The following GLCCI1 variants were observed in gnomAD, a reference collection of about 807,000 sequenced individuals.
GLCCI1 encodes glucocorticoid induced 1, also known as glucocorticoid-induced transcript 1 protein.
A neutral mutation model predicts 52.2 loss-of-function variants in GLCCI1; 24 were observed. That is an observed-to-expected ratio of 0.46 (90% CI 0.33 to 0.65). The LOEUF is 0.65. GLCCI1 is among the 30% of genes least tolerant of loss of function. GLCCI1 has a pLI of 0.02. For synonymous variants in GLCCI1, 310 were observed against 276.5 expected, an observed-to-expected ratio of 1.12 and a Z score of -1.20; for missense variants, 704 against 701.5, an observed-to-expected ratio of 1.00 and a Z score of -0.04.
chr7:7,991,485 C>T (rs1374518159), intron 1 of GLCCI1, among the ~76,000 whole-genome samples: 1 of 152,026 alleles, frequency 6.6e-6, no homozygotes, highest in Non-Finnish European at 1.5e-5. Context: ...TTTTACATGG[C>T]ATAATTTGAT....
chr7:8,071,190 T>TA, intron 6 of GLCCI1, 59 bp downstream of exon 6: 1 of 1,297,790 alleles, frequency 7.7e-7, no homozygotes, highest in Non-Finnish European at 1.1e-6. Context: ...TTATACCTTG[T>TA]CTTAGACCAT....
chr7:8,016,855 A>C (rs1189893481), intron 2 of GLCCI1, among the ~76,000 whole-genome samples: 1 of 152,216 alleles, frequency 6.6e-6, no homozygotes, highest in African/African-American at 2.4e-5. Context: ...TAAATATAAT[A>C]ATATGGAATT....
intron 1 of GLCCI1, chr7:7,981,761 T>C: frequency 3.0e-6 from 1 of 329,232 alleles, no homozygotes; most frequent in African/African-American, 2.2e-5. Flanking sequence ...AAGAGTGATT[T>C]AAAGGAGTAT....
intron 3 of GLCCI1, chr7:8,022,786 G>A (rs1001571869): frequency 8.1e-6 from 2 of 247,664 alleles, no homozygotes; most frequent in East Asian, 1.4e-4. Context: ...ACATTTTGGT[G>A]AACAAGTCTA....
chr7:8,079,192 G>A (rs996530793), intron 6 of GLCCI1, among the ~76,000 whole-genome samples: 7 of 151,868 alleles, frequency 4.6e-5, no homozygotes, highest in Middle Eastern at 3.4e-3. Flanking sequence ...TTCCCCACAC[G>A]TCAGCAGATT....
chr7:8,016,852 A>T (rs1024109330), intron 2 of GLCCI1, among the ~76,000 whole-genome samples: 1 of 152,226 alleles, frequency 6.6e-6, no homozygotes, highest in Admixed American at 6.5e-5. Flanking sequence ...GTTTAAATAT[A>T]ATAATATGGA....
chr7:8,075,191 T>TA (rs1782850722), intron 6 of GLCCI1, among the ~76,000 whole-genome samples: 1 of 152,270 alleles, frequency 6.6e-6, no homozygotes, highest in South Asian at 2.1e-4. Context: ...TGGATTGTAA[T>TA]GCCAGGACAA....
chr7:8,070,948 G>T lies in GLCCI1; in HGVS notation c.994G>T (p.Ala332Ser), dbSNP rs760432377. 6.2e-7 allele frequency: 1 copy of T among 1,614,166 alleles called. No homozygotes were observed. ...KPLDIPDGRR[A>S]PLPAHYRSSS... ...GTTGGACATACCAGATGGTCGAAGAGCTCCACTTCCTGCTCATTACCGGAG... is the reference window on the plus strand; with the variant it reads ...GTTGGACATACCAGATGGTCGAAGATCTCCACTTCCTGCTCATTACCGGAG... Residue 332 changes from alanine to serine, a missense_variant, in exon 6 of 8, where the codon GCT becomes TCT. Ala to Ser is a moderately conservative substitution (Grantham distance 99, BLOSUM62 1). This residue lies in a region of GLCCI1 where 547 missense variants were observed against 524.8 expected (regional missense o/e 1.04). Transcript: ENST00000223145.
chr7:8,060,320 G>A, intron 5 of GLCCI1, 72 bp downstream of exon 5: 3 of 1,202,414 alleles, frequency 2.5e-6, no homozygotes, highest in South Asian at 2.8e-5. Flanking sequence ...TACTTTCTTG[G>A]TAACAGCTTT....
chr7:8,011,815 GT>G (rs998736278), intron 2 of GLCCI1, among the ~76,000 whole-genome samples: 1 of 150,912 alleles, frequency 6.6e-6, no homozygotes, highest in African/African-American at 2.4e-5. Flanking sequence ...GTTGTTTTTT[GT>G]TTTTTTGTTT....
At chr7:8,076,183 C>T (rs1782873785) in intron 6 of GLCCI1, among the ~76,000 whole-genome samples, 1 of 152,026 alleles carries the variant, frequency 6.6e-6, no homozygotes, top group Non-Finnish European at 1.5e-5. Flanking sequence ...ATAAATCAGC[C>T]AAGATTTTAT....
chr7:7,982,825 A>AT (rs1175543597), intron 1 of GLCCI1, among the ~76,000 whole-genome samples: 22 of 152,186 alleles, frequency 1.4e-4, no homozygotes, highest in Non-Finnish European at 2.6e-4. Flanking sequence ...GTTGATGTAC[A>AT]TTTGAGTTTT....
chr7:7,970,469 A>G (rs1172843397), intron 1 of GLCCI1: 2 of 139,396 alleles, frequency 1.4e-5, no homozygotes, highest in Non-Finnish European at 3.0e-5. Flanking sequence ...GCACTCCTGC[A>G]CTGGAAACAG....
In GLCCI1 at chr7:8,084,067, T is replaced by TG. The variant is rs1222030227; in HGVS notation, c.1178-829dup. ...TCAGAATTTGTTTAAATAGGACTATTGTATACAAACATGTCACTGACTTTA... is the reference window on the plus strand; with the variant it reads ...TCAGAATTTGTTTAAATAGGACTATTGGTATACAAACATGTCACTGACTTTA... On this transcript the variant is annotated intron_variant, in intron 6 of 7. Transcript: ENST00000223145. 1.3e-4 allele frequency among the ~76,000 whole-genome samples: 20 copies of TG among 152,364 alleles called. 2 individuals are homozygous for TG. The highest frequency in any genetic ancestry group is 7.8e-4 in the Admixed American group (12 of 15,310).
intron 3 of GLCCI1, among the ~76,000 whole-genome samples, chr7:8,034,351 TA>T (rs1171007520): frequency 3.9e-5 from 6 of 151,908 alleles, no homozygotes; most frequent in African/African-American, 1.4e-4. Flanking sequence ...GTAAAAGCCC[TA>T]AAAGAAAAAA....
At chr7:8,049,655 T>C (rs1370014548) in intron 3 of GLCCI1, among the ~76,000 whole-genome samples, 1 of 152,206 alleles carries the variant, frequency 6.6e-6, no homozygotes, top group Non-Finnish European at 1.5e-5. Context: ...TTGTTCATTA[T>C]TATTTCAGTT....
At chr7:8,072,685 T>C (rs1446309018) in intron 6 of GLCCI1, among the ~76,000 whole-genome samples, 1 of 152,162 alleles carries the variant, frequency 6.6e-6, no homozygotes, top group African/African-American at 2.4e-5. Flanking sequence ...AACCAGTCTG[T>C]CTTCATTCCA....
At chr7:8,074,476 G>GAGTT (rs1259059574) in intron 6 of GLCCI1, among the ~76,000 whole-genome samples, 2 of 152,040 alleles carry the variant, frequency 1.3e-5, no homozygotes, top group African/African-American at 4.8e-5. Context: ...TTGAGGTCAG[G>GAGTT]AGTTAAAGAC....
At chr7:8,065,014 G>C (rs1265380918) in intron 5 of GLCCI1, among the ~76,000 whole-genome samples, 1 of 152,154 alleles carries the variant, frequency 6.6e-6, no homozygotes, top group African/African-American at 2.4e-5. Flanking sequence ...ACCGCGCCTG[G>C]CCAGTGTGGC....
Sources: allele counts gnomAD v4.1 joint callset (sites outside exome capture counted in the v4.1 genomes callset), GRCh38; gene constraint gnomAD v4.1.1; regional missense constraint gnomAD v4.1.1; transcripts MANE v1.5; gene names NCBI Gene and HGNC (gene_info 2026-07-23, HGNC 2026-07-21).